The following SUGCT variants were observed in gnomAD, a reference collection of about 807,000 sequenced individuals.
SUGCT encodes succinyl-CoA:glutarate CoA-transferase.
A neutral mutation model predicts 55.0 loss-of-function variants in SUGCT; 41 were observed. The observed-to-expected ratio is 0.74, with a 90% CI of 0.58 to 0.97. The LOEUF is 0.97. Ranked by LOEUF, SUGCT falls within the 50% of genes least tolerant of loss-of-function variation. The pLI is 0.00. For synonymous variants in SUGCT, 187 were observed against 200.4 expected (o/e 0.93, Z 0.56); for missense variants, 568 against 547.8 (o/e 1.04, Z -0.37).
chr7:40,986,928 G>A, the SUGCT span, among the ~76,000 whole-genome samples: 1 of 152,116 alleles, frequency 6.6e-6, no homozygotes, highest in African/African-American at 2.4e-5. Flanking sequence ...ACATCATCCT[G>A]TTTATCCACA....
Position 40,139,127 on chromosome 7 carries a change from A to AAAAT in SUGCT, c.100+4056_100+4059dup, listed in dbSNP as rs56301316. 4.5e-3 allele frequency among the ~76,000 whole-genome samples: 628 copies of AAAAT among 140,554 alleles called. 2 individuals are homozygous for AAAAT. The highest frequency in any genetic ancestry group is 0.015 in the East Asian group (70 of 4,708). The allele number at this position is 140,554 out of a possible 152,430, so 92.2% of individuals were successfully genotyped here. A position where few individuals can be genotyped will look rare whatever the true frequency, so the allele number is the denominator to read the frequency against. On this transcript the variant is annotated intron_variant, in intron 1 of 13. Transcript: ENST00000335693. ...GCGACAACAGCAAAACTCTGGCTCAAAAATAAATAAATAAATAAATAAATA... is the reference window on the plus strand; with the variant it reads ...GCGACAACAGCAAAACTCTGGCTCAAAAATAAATAAATAAATAAATAAATAAATA...
chr7:40,896,600 A>C, the SUGCT span, among the ~76,000 whole-genome samples: 1 of 152,110 alleles, frequency 6.6e-6, no homozygotes, highest in Non-Finnish European at 1.5e-5. Context: ...TTTGCTCGGC[A>C]CTTCTCCTTG....
chr7:40,767,149 A>C (rs1788841415), intron 13 of SUGCT, among the ~76,000 whole-genome samples: 1 of 152,194 alleles, frequency 6.6e-6, no homozygotes, highest in South Asian at 2.1e-4. Context: ...AAGTCTACTT[A>C]AACCACAACA....
intron 6 of SUGCT, among the ~76,000 whole-genome samples, chr7:40,228,166 A>G (rs1788500428): frequency 1.3e-5 from 2 of 152,156 alleles, no homozygotes; most frequent in African/African-American, 4.8e-5. Context: ...TACAGGTGTG[A>G]GCCACTGCAC....
chr7:40,540,468 T>A (rs1004517254), intron 12 of SUGCT, among the ~76,000 whole-genome samples: 3 of 152,212 alleles, frequency 2.0e-5, no homozygotes, highest in Admixed American at 6.5e-5. Context: ...ATGATACACA[T>A]CAAGGAAGTT....
rs562467253 is a variant in SUGCT at position 40,544,518 on chromosome 7, C to T, written c.1089+48132C>T. On this transcript the variant is annotated intron_variant, in intron 12 of 13. Coordinates refer to ENST00000335693, the MANE Select transcript of SUGCT (RefSeq NM_001193313.2). ...AAGTTCCACATTAAATCTGTCTTTTCTGAAATTTCACATTCTCTTCTTTTT... is the reference window on the plus strand; with the variant it reads ...AAGTTCCACATTAAATCTGTCTTTTTTGAAATTTCACATTCTCTTCTTTTT... Among the ~76,000 whole-genome samples, 20 of 152,294 alleles carry T rather than the reference C, an allele frequency of 1.3e-4. No homozygotes were observed. The South Asian group carries it at 1.5e-3, about 11-fold the overall frequency.
At chr7:40,757,007 TA>T (rs928605859) in intron 13 of SUGCT, among the ~76,000 whole-genome samples, 2 of 152,146 alleles carry the variant, frequency 1.3e-5, no homozygotes, top group Admixed American at 6.5e-5. Context: ...AGTCCTCAAT[TA>T]TTTTTTTACC....
At chr7:40,828,576 T>TA (rs11419901) in intron 13 of SUGCT, among the ~76,000 whole-genome samples, 24,481 of 89,796 alleles carry the variant, frequency 0.27, 2,724 homozygotes, top group East Asian at 0.56. Context: ...CTTGCTACAG[T>TA]AAAAAAAAAA....
chr7:40,161,790 C>T (rs1784164599), intron 1 of SUGCT, among the ~76,000 whole-genome samples: 1 of 152,138 alleles, frequency 6.6e-6, no homozygotes, highest in South Asian at 2.1e-4. Context: ...TAAGTTTTTT[C>T]CTTTGACTTG....
chr7:40,854,874 C>G (rs370353793), intron 13 of SUGCT, among the ~76,000 whole-genome samples: 33 of 151,882 alleles, frequency 2.2e-4, no homozygotes, highest in South Asian at 1.9e-3. Flanking sequence ...AGCTCGAGGC[C>G]GCAGTGAGCT....
chr7:40,300,750 C>T (rs932626820), intron 8 of SUGCT, among the ~76,000 whole-genome samples: 2 of 152,114 alleles, frequency 1.3e-5, no homozygotes, highest in African/African-American at 4.8e-5. Flanking sequence ...CAGTTTGTGC[C>T]ATGTGGTCTG....
At chr7:40,445,879 T>C (rs562173264) in intron 9 of SUGCT, among the ~76,000 whole-genome samples, 1 of 152,288 alleles carries the variant, frequency 6.6e-6, no homozygotes, top group African/African-American at 2.4e-5. Flanking sequence ...TATTTGATAA[T>C]CTTTAGGCTG....
the SUGCT span, among the ~76,000 whole-genome samples, chr7:41,031,730 C>T: frequency 6.6e-6 from 1 of 152,170 alleles, no homozygotes; most frequent in African/African-American, 2.4e-5. Flanking sequence ...CCTAGAATGA[C>T]CCACCCACTC....
At chr7:40,522,433 A>T (rs1256701989) in intron 12 of SUGCT, among the ~76,000 whole-genome samples, 1 of 152,104 alleles carries the variant, frequency 6.6e-6, no homozygotes, top group Non-Finnish European at 1.5e-5. Context: ...AGTTGCTACC[A>T]TTGTAATATC....
At chr7:40,740,574 TA>T (rs1004956026) in intron 12 of SUGCT, among the ~76,000 whole-genome samples, 60 of 150,806 alleles carry the variant, frequency 4.0e-4, no homozygotes, top group Non-Finnish European at 7.4e-4. Context: ...TTTTTATTAT[TA>T]TTTTTTTCCT....
In SUGCT at chr7:40,845,446, G is replaced by T. The variant is rs559685193; in HGVS notation, c.1154-14870G>T. ...GCTGGAAGAAACAGCAGGGGAGAAGGATTGAACAAGTTGTCCTCATATTGC... is the reference window on the plus strand; with the variant it reads ...GCTGGAAGAAACAGCAGGGGAGAAGTATTGAACAAGTTGTCCTCATATTGC... On this transcript the variant is annotated intron_variant, in intron 13 of 13. Coordinates refer to ENST00000335693, the MANE Select transcript of SUGCT (RefSeq NM_001193313.2). Among the ~76,000 whole-genome samples the T allele has an allele frequency of 3.3e-5, 5 of 152,302 alleles. No individual in the cohort carries two copies. The South Asian group carries it at 1.0e-3, about 32-fold the overall frequency.
Position 40,676,491 on chromosome 7 carries a change from G to A in SUGCT, c.1090-72943G>A, listed in dbSNP as rs186558069. Among the ~76,000 whole-genome samples the A allele has an allele frequency of 1.3e-3, 187 of 146,528 alleles. 1 individual carries two copies. Among genetic ancestry groups the A allele is most frequent in the African/African-American group, 4.9e-3 (183 of 37,480 alleles). On this transcript the variant is annotated intron_variant, in intron 12 of 13. Transcript: ENST00000335693. ...CACACCAAGGAGAAAAATCCCTTGC[G>A]GTTTTGTTTTTTGTTTTTTTTTTTT...
chr7:40,298,004 T>C (rs928257957), intron 8 of SUGCT, among the ~76,000 whole-genome samples: 1 of 152,020 alleles, frequency 6.6e-6, no homozygotes, highest in African/African-American at 2.4e-5. Flanking sequence ...CAAAACATGT[T>C]CATGTCCTTC....
the SUGCT span, among the ~76,000 whole-genome samples, chr7:41,033,437 T>C: frequency 2.6e-5 from 4 of 152,144 alleles, no homozygotes; most frequent in African/African-American, 9.7e-5. Flanking sequence ...TCTGAGACGA[T>C]TGCATACAGT....
Sources: allele counts gnomAD v4.1 joint callset (sites outside exome capture counted in the v4.1 genomes callset), GRCh38; gene constraint gnomAD v4.1.1; transcripts MANE v1.5; gene names NCBI Gene and HGNC (gene_info 2026-07-23, HGNC 2026-07-21).